SCCPDH: variants seen among roughly 807,000 people sequenced by gnomAD.
The protein encoded by SCCPDH is saccharopine dehydrogenase (putative), also known as saccharopine dehydrogenase-like oxidoreductase.
SCCPDH carries 34 observed loss-of-function variants against 51.5 expected under a neutral mutation model. That is an observed-to-expected ratio of 0.66 (90% CI 0.50 to 0.88). The LOEUF (loss-of-function observed/expected upper bound fraction) is 0.88. SCCPDH is among the 40% of genes least tolerant of loss of function. SCCPDH has a pLI of 0.00. For missense variants in SCCPDH, 464 were observed against 527.1 expected, an observed-to-expected ratio of 0.88 and a Z score of 1.17; for synonymous variants, 187 against 191.3, an observed-to-expected ratio of 0.98 and a Z score of 0.19.
At chr1:246,731,058 C>T (rs138562985) in intron 2 of SCCPDH, among the ~76,000 whole-genome samples, 82 of 152,154 alleles carry the variant, frequency 5.4e-4, no homozygotes, top group Non-Finnish European at 1.0e-3. Context: ...GAAACTCCAG[C>T]TCAAAAAGAA....
intron 3 of SCCPDH, among the ~76,000 whole-genome samples, chr1:246,736,441 C>A (rs1408282923): frequency 1.3e-5 from 2 of 152,184 alleles, no homozygotes; most frequent in South Asian, 4.1e-4. Flanking sequence ...GTGGCTCACA[C>A]CTGCACTCCC....
chr1:246,749,891 G>A (rs1399743801), intron 5 of SCCPDH, among the ~76,000 whole-genome samples: 1 of 152,170 alleles, frequency 6.6e-6, no homozygotes, highest in African/African-American at 2.4e-5. Flanking sequence ...GGCATCAGAA[G>A]GCAAGCGTCA....
chr1:246,726,481 T>C (rs1268767610), intron 1 of SCCPDH, among the ~76,000 whole-genome samples: 1 of 152,040 alleles, frequency 6.6e-6, no homozygotes, highest in Non-Finnish European at 1.5e-5. Context: ...CAAGAGATCC[T>C]TGCACCTTGA....
chr1:246,765,703 G>A (rs1023389594), intron 10 of SCCPDH, among the ~76,000 whole-genome samples: 2 of 152,168 alleles, frequency 1.3e-5, no homozygotes, highest in African/African-American at 4.8e-5. Flanking sequence ...GCAGTGCAGT[G>A]CAGTGGGTGG....
chr1:246,745,072 GT>G (rs1251662209), intron 5 of SCCPDH, among the ~76,000 whole-genome samples: 3 of 152,228 alleles, frequency 2.0e-5, no homozygotes, highest in Non-Finnish European at 4.4e-5. Flanking sequence ...AGTCAGCATA[GT>G]TTTATCATGC....
chr1:246,763,060 GC>G (rs1021047164), intron 9 of SCCPDH, among the ~76,000 whole-genome samples: 5 of 152,048 alleles, frequency 3.3e-5, no homozygotes, highest in African/African-American at 1.2e-4. Context: ...CTCTAAATCT[GC>G]CCAGTGATGC....
chr1:246,754,976 A>G (rs1004995920), intron 5 of SCCPDH, among the ~76,000 whole-genome samples: 3 of 152,184 alleles, frequency 2.0e-5, no homozygotes, highest in Admixed American at 6.5e-5. Context: ...AAATTAATAT[A>G]AAAATCAGCT....
At chr1:246,760,585 G>A (rs1398961602) in intron 9 of SCCPDH, among the ~76,000 whole-genome samples, 1 of 151,874 alleles carries the variant, frequency 6.6e-6, no homozygotes, top group East Asian at 1.9e-4. Context: ...CTTTTCCTTT[G>A]TGCCTCCTCT....
intron 5 of SCCPDH, among the ~76,000 whole-genome samples, chr1:246,754,469 A>G (rs890700760): frequency 6.6e-6 from 1 of 152,258 alleles, no homozygotes; most frequent in South Asian, 2.1e-4. Context: ...CAAAAGAAAT[A>G]GCACTTGAAC....
chr1:246,767,281 T>C lies in SCCPDH; in HGVS notation c.1271T>C (p.Ile424Thr). The change falls in exon 12 of 12, where the codon ATT (isoleucine) becomes ACT (threonine). Residue 424 changes from isoleucine to threonine, a missense_variant. Ile to Thr is a moderately conservative substitution (Grantham distance 89, BLOSUM62 -1). Coordinates refer to ENST00000366510, the MANE Select transcript of SCCPDH (RefSeq NM_016002.3). The stretch of plus-strand genomic sequence containing the variant: ...AAACACGGTATTGAGTTTAGTGTTA[T>C]TAGCAGCTCTGAAGTCTAAACACTG... ...LNKHGIEFSV[I>T]SSSEV The C allele has an allele frequency of 6.2e-7, 1 of 1,603,584 alleles. No homozygotes were observed. Among genetic ancestry groups the C allele is most frequent in the Non-Finnish European group, 8.5e-7 (1 of 1,173,976 alleles).
At chr1:246,766,024 C>G (rs1179843491) in intron 10 of SCCPDH, 34 bp from the exon 11 acceptor site, 1 of 1,430,398 alleles carries the variant, frequency 7.0e-7, no homozygotes, top group East Asian at 2.3e-5. Flanking sequence ...CTTCATGATT[C>G]CTTTCTTTTT....
At chr1:246,738,430 G>C (rs2102982950) in intron 3 of SCCPDH, among the ~76,000 whole-genome samples, 1 of 151,450 alleles carries the variant, frequency 6.6e-6, no homozygotes, top group African/African-American at 2.4e-5. Context: ...AGAATCGCTT[G>C]AACCTGGGAG....
intron 5 of SCCPDH, among the ~76,000 whole-genome samples, chr1:246,745,831 G>A (rs114620660): frequency 0.25 from 37,619 of 151,880 alleles, 4,756 homozygotes; most frequent in South Asian, 0.3. Flanking sequence ...AGGGCTGGCC[G>A]GGCATGGTGG....
At chr1:246,729,938 G>A (rs1302545611) in intron 2 of SCCPDH, among the ~76,000 whole-genome samples, 2 of 152,114 alleles carry the variant, frequency 1.3e-5, no homozygotes, top group Non-Finnish European at 2.9e-5. Flanking sequence ...CTGACTTCCT[G>A]TAACACTTTA....
At chr1:246,765,926 G>A (rs924596019) in intron 10 of SCCPDH, 132 bp from the exon 11 acceptor site, 5 of 634,642 alleles carry the variant, frequency 7.9e-6, no homozygotes, top group African/African-American at 7.3e-5. Flanking sequence ...TTTTTGTTAA[G>A]TGACCAGAGT....
intron 5 of SCCPDH, among the ~76,000 whole-genome samples, chr1:246,757,233 A>G (rs1007382365): frequency 6.6e-6 from 1 of 151,062 alleles, no homozygotes; most frequent in Non-Finnish European, 1.5e-5. Flanking sequence ...AATCCCAGCT[A>G]CTCGGGAGGT....
chr1:246,754,921 C>G (rs891316893), intron 5 of SCCPDH, among the ~76,000 whole-genome samples: 1 of 151,860 alleles, frequency 6.6e-6, no homozygotes, highest in African/African-American at 2.4e-5. Flanking sequence ...TTTTTCTATT[C>G]TGTTTCATTT....
At chr1:246,756,445 A>G (rs1363766237) in intron 5 of SCCPDH, among the ~76,000 whole-genome samples, 3 of 152,252 alleles carry the variant, frequency 2.0e-5, no homozygotes, top group East Asian at 1.9e-4. Flanking sequence ...TGAATATACA[A>G]TTTAATAAAA....
At chr1:246,751,728 C>CTTTAGGACAAGAA (rs1668852818) in intron 5 of SCCPDH, among the ~76,000 whole-genome samples, 1 of 151,388 alleles carries the variant, frequency 6.6e-6, no homozygotes, top group African/African-American at 2.4e-5. Flanking sequence ...AGTTAATTTA[C>CTTTAGGACAAGAA]TTTAGGACAA....
Sources: gnomAD v4.1 joint callset for allele counts (sites outside exome capture counted in the v4.1 genomes callset) on GRCh38, gnomAD v4.1.1 for gene constraint, MANE v1.5 for transcripts, NCBI Gene and HGNC (gene_info 2026-07-23, HGNC 2026-07-21) for gene names.